Variants in RBFOX1 observed in about 807,000 individuals in gnomAD.
RBFOX1 encodes RNA binding protein fox-1 homolog 1.
In RBFOX1, 8 loss-of-function variants were observed where a neutral mutation model predicts 57.7. That is an observed-to-expected ratio of 0.14 (90% CI 0.08 to 0.25). The LOEUF is 0.25. Ranked by LOEUF, RBFOX1 falls within the 10% of genes least tolerant of loss-of-function variation. The pLI is 1.00. For synonymous variants in RBFOX1, 326 were observed against 222.4 expected (o/e 1.47, Z -4.15); for missense variants, 611 against 548.5 (o/e 1.11, Z -1.14).
rs2098307766 is a variant in RBFOX1 at position 6,626,381 on chromosome 16, G to A, written c.-63-28222G>A. On this transcript the variant is annotated intron_variant, in intron 2 of 15. Transcript: ENST00000550418. ...TGCAGGACCTGGGAGCTGAGGCTCG[G>A]GAGGGCTGATTCATCATTCTTCCTC... 2.0e-5 allele frequency among the ~76,000 whole-genome samples: 3 copies of A among 152,192 alleles called. No individual in the cohort carries two copies. The South Asian group carries it at 6.2e-4, about 32-fold the overall frequency.
At chr16:6,588,184 T>C (rs1244062293) in intron 2 of RBFOX1, among the ~76,000 whole-genome samples, 1 of 151,720 alleles carries the variant, frequency 6.6e-6, no homozygotes, top group Non-Finnish European at 1.5e-5. Flanking sequence ...TGAGCTGAGA[T>C]TGTGCCACTG....
intron 3 of RBFOX1, among the ~76,000 whole-genome samples, chr16:6,661,476 A>G (rs924167047): frequency 3.3e-5 from 5 of 152,222 alleles, no homozygotes; most frequent in South Asian, 2.1e-4. Flanking sequence ...TATCAGGCCA[A>G]TGCATTAGGG....
chr16:5,747,851 G>T (rs1214208847), intron 3 of RBFOX1, among the ~76,000 whole-genome samples: 3 of 152,084 alleles, frequency 2.0e-5, no homozygotes, highest in Non-Finnish European at 4.4e-5. Flanking sequence ...ATTTTTTGAA[G>T]GGTTTTTTGT....
intron 10 of RBFOX1, among the ~76,000 whole-genome samples, chr16:7,609,393 C>G (rs1335668771): frequency 6.6e-6 from 1 of 152,078 alleles, no homozygotes; most frequent in Admixed American, 6.5e-5. Flanking sequence ...TAGCCACAGA[C>G]ATATCTGTGG....
intron 4 of RBFOX1, among the ~76,000 whole-genome samples, chr16:7,106,595 C>A (rs897253870): frequency 1.3e-5 from 2 of 151,976 alleles, no homozygotes; most frequent in African/African-American, 4.8e-5. Flanking sequence ...TTTTAGATAT[C>A]TGTCTATCTC....
rs1567944365 is a variant in RBFOX1 at position 7,263,051 on chromosome 16, C to G, written c.27+210953C>G. On this transcript the variant is annotated intron_variant, in intron 4 of 15. Transcript: ENST00000550418. ...TCTGCAGGTGGAATGACTGTTCTCT[C>G]CTCTAGTCTCTTAGAGTCTGTCCAC... is the stretch of plus-strand genomic sequence containing the variant. 2.0e-5 allele frequency among the ~76,000 whole-genome samples: 3 copies of G among 152,306 alleles called. No individual in the cohort carries two copies. In the East Asian group the frequency reaches 5.8e-4, roughly 29 times the overall value.
intron 3 of RBFOX1, among the ~76,000 whole-genome samples, chr16:6,766,882 A>G (rs1348494096): frequency 6.6e-6 from 1 of 152,062 alleles, no homozygotes; most frequent in East Asian, 1.9e-4. Flanking sequence ...ACAGCAAGTA[A>G]AAAGATACTC....
At chr16:7,695,704 A>G (rs2078600200) in intron 14 of RBFOX1, among the ~76,000 whole-genome samples, 1 of 151,844 alleles carries the variant, frequency 6.6e-6, no homozygotes, top group African/African-American at 2.4e-5. Context: ...CATTCTAAAC[A>G]GCACTACTGT....
At chr16:6,074,818 A>G (rs901574058) in intron 1 of RBFOX1, among the ~76,000 whole-genome samples, 11 of 152,182 alleles carry the variant, frequency 7.2e-5, no homozygotes, top group African/African-American at 2.7e-4. Flanking sequence ...AGTCTGAAAT[A>G]TGCTGAGTTT....
chr16:7,056,647 A>G (rs980053958), intron 4 of RBFOX1, among the ~76,000 whole-genome samples: 5 of 152,178 alleles, frequency 3.3e-5, no homozygotes, highest in Admixed American at 6.5e-5. Context: ...TTGTATGTTC[A>G]TAGGGTGGGA....
chr16:6,561,953 A>G (rs1599888764), intron 2 of RBFOX1, among the ~76,000 whole-genome samples: 1 of 152,290 alleles, frequency 6.6e-6, no homozygotes, highest in East Asian at 1.9e-4. Context: ...AGCTAACCAC[A>G]TTCACATCAT....
intron 4 of RBFOX1, among the ~76,000 whole-genome samples, chr16:5,891,912 C>T (rs574625308): frequency 4.6e-5 from 7 of 152,258 alleles, no homozygotes; most frequent in South Asian, 4.2e-4. Flanking sequence ...GGACTAAAGC[C>T]GCTTCCTCAG....
chr16:5,704,857 G>A (rs1015429095), intron 3 of RBFOX1, among the ~76,000 whole-genome samples: 3 of 152,140 alleles, frequency 2.0e-5, no homozygotes, highest in African/African-American at 7.2e-5. Flanking sequence ...GAAACATGGG[G>A]TAATTTGAAT....
intron 4 of RBFOX1, among the ~76,000 whole-genome samples, chr16:5,965,999 A>G (rs2152293410): frequency 6.6e-6 from 1 of 152,256 alleles, no homozygotes; most frequent in African/African-American, 2.4e-5. Context: ...TGCTGCCCCC[A>G]ACAGTTTCCT....
chr16:6,974,336 CTTTTTTTTTTT>C (rs59299498), intron 3 of RBFOX1, among the ~76,000 whole-genome samples: 3 of 58,682 alleles, frequency 5.1e-5, no homozygotes, highest in African/African-American at 1.9e-4. Context: ...TTTTCTTTTT[CTTTTTTTTTTT>C]TTTTTTTTTT....
chr16:6,887,870 C>T lies in RBFOX1; in HGVS notation c.-15-164187C>T, dbSNP rs188223271. ...TAGAGGTGGGGTTTGCCATGTTGGC[C>T]AGGCTGGTCTCGAACTCCAGACTTC... On this transcript the variant is annotated intron_variant, in intron 3 of 15. Transcript: ENST00000550418. Among the ~76,000 whole-genome samples the T allele has an allele frequency of 6.2e-4, 95 of 152,182 alleles. 4 individuals are homozygous for T. In the East Asian group the frequency reaches 0.018, roughly 28 times the overall value.
At chr16:6,265,216 C>T (rs1402644041) in intron 1 of RBFOX1, among the ~76,000 whole-genome samples, 1 of 152,144 alleles carries the variant, frequency 6.6e-6, no homozygotes, top group East Asian at 1.9e-4. Context: ...CCTCGGGCCT[C>T]TCCAAGTGGC....
At chr16:6,018,431 A>C (rs533844538), upstream of RBFOX1, among the ~76,000 whole-genome samples, 6 of 152,342 alleles carry the variant, frequency 3.9e-5, no homozygotes, top group Admixed American at 3.3e-4. Context: ...GCTAGTGTGT[A>C]TTAAGGCGTC....
intron 1 of RBFOX1, among the ~76,000 whole-genome samples, chr16:6,036,911 C>T (rs545544609): frequency 6.6e-6 from 1 of 152,198 alleles, no homozygotes; most frequent in Non-Finnish European, 1.5e-5. Context: ...CTTTCAGACT[C>T]TTTTACCATG....
Sources: allele counts gnomAD v4.1 joint callset (sites outside exome capture counted in the v4.1 genomes callset), GRCh38; gene constraint gnomAD v4.1.1; transcripts MANE v1.5; gene names NCBI Gene and HGNC (gene_info 2026-07-23, HGNC 2026-07-21).